C14orf39: variants seen among roughly 807,000 people sequenced by gnomAD.
C14orf39 encodes the protein protein SIX6OS1.
C14orf39 carries 66 observed loss-of-function variants against 85.6 expected under a neutral mutation model. The observed-to-expected ratio is 0.77, with a 90% CI of 0.63 to 0.95. C14orf39 has a LOEUF of 0.95. Among genes scored for constraint, C14orf39 ranks in the 40% least tolerant of loss-of-function variants. The pLI is 0.00. For synonymous variants in C14orf39, 242 were observed against 214.0 expected, an observed-to-expected ratio of 1.13 and a Z score of -1.14; for missense variants, 735 against 663.9, an observed-to-expected ratio of 1.11 and a Z score of -1.18.
intron 4 of C14orf39, among the ~76,000 whole-genome samples, chr14:60,482,698 G>C (rs372245921): frequency 3.3e-5 from 5 of 152,082 alleles, no homozygotes; most frequent in African/African-American, 1.2e-4. Flanking sequence ...ATTAATAGGG[G>C]AATGGCTAAA....
intron 13 of C14orf39, among the ~76,000 whole-genome samples, chr14:60,461,015 A>G (rs992718128): frequency 2.6e-5 from 4 of 151,980 alleles, no homozygotes; most frequent in South Asian, 2.1e-4. Context: ...CCTCAACAGT[A>G]TATCAAGTGG....
chr14:60,452,392 G>A (rs1388988579), intron 16 of C14orf39, among the ~76,000 whole-genome samples: 1 of 151,838 alleles, frequency 6.6e-6, no homozygotes, highest in Non-Finnish European at 1.5e-5. Context: ...AATAAGTCAG[G>A]CACAGAAAGA....
intron 17 of C14orf39, among the ~76,000 whole-genome samples, chr14:60,437,892 C>T (rs1890330072): frequency 6.6e-6 from 1 of 150,964 alleles, no homozygotes; most frequent in Admixed American, 6.6e-5. Context: ...TTGATGAAGC[C>T]CAGAATTGCC....
rs756979293 is a variant in C14orf39, at chr14:60,491,802, T to C, written c.-8-6716A>G. ...ACAGAGCAATTCTTAAATGTAAATA[T>C]TCTCTCTCTCTTTTTCTCTCTCTCT... On this transcript the variant is annotated intron_variant, in intron 2 of 5. Transcript: ENST00000556799. This position sits in a 1 kb window ranked among gnomAD's most constrained non-coding sequence, Gnocchi z 4.5. 6.6e-6 allele frequency among the ~76,000 whole-genome samples: 1 copy of C among 151,954 alleles called. No homozygotes were observed. The highest frequency in any genetic ancestry group is 1.5e-5 in the Non-Finnish European group (1 of 68,016).
intron 1 of C14orf39, among the ~76,000 whole-genome samples, chr14:60,510,224 A>T (rs541814369): frequency 1.3e-5 from 2 of 152,314 alleles, no homozygotes; most frequent in South Asian, 2.1e-4. Flanking sequence ...CCAAGGCTTC[A>T]CTGGGACGGA....
intron 17 of C14orf39, among the ~76,000 whole-genome samples, chr14:60,437,792 A>T (rs1223807649): frequency 1.3e-5 from 2 of 152,050 alleles, no homozygotes; most frequent in African/African-American, 2.4e-5. Context: ...ACTACAATAT[A>T]CTGCTCATGG....
chr14:60,502,640 T>C (rs1893162275), intron 1 of C14orf39, among the ~76,000 whole-genome samples: 1 of 152,170 alleles, frequency 6.6e-6, no homozygotes, highest in Non-Finnish European at 1.5e-5. Flanking sequence ...AACAAAAATC[T>C]GCTGTTAAAG....
At chr14:60,464,912 T>A (rs1265492044) in intron 11 of C14orf39, among the ~76,000 whole-genome samples, 1 of 152,122 alleles carries the variant, frequency 6.6e-6, no homozygotes, top group Non-Finnish European at 1.5e-5. Flanking sequence ...GTTTTATTTT[T>A]ACCCCCATTA....
Position 60,484,931 on chromosome 14 carries a change from T to C in C14orf39, c.56A>G (p.Gln19Arg), listed in dbSNP as rs757138893. Reference protein sequence around the residue: ...LDRLLLEFVFQYEQDISTKEE... With the variant: ...LDRLLLEFVFRYEQDISTKEE... ...TTTAGTACTTATGTCTTGCTCATAC[T>C]GGAAGACTAAAATAAATAATTATCT... is the stretch of plus-strand genomic sequence containing the variant. The change falls in exon 3 of 18, where the codon CAG (glutamine) becomes CGG (arginine). Residue 19 changes from glutamine to arginine, a missense_variant. Physicochemically the swap from Gln to Arg is conservative, Grantham distance 43. Coordinates refer to ENST00000321731, the MANE Select transcript of C14orf39 (RefSeq NM_174978.3). The surrounding 1 kb of genome is among the most constrained non-coding windows in gnomAD (Gnocchi z 4.2). 3 of 1,576,204 alleles carry C rather than the reference T, an allele frequency of 1.9e-6. No homozygotes were observed. The East Asian group carries it at 6.7e-5, about 35-fold the overall frequency.
intron 17 of C14orf39, among the ~76,000 whole-genome samples, chr14:60,438,048 G>A (rs1286255097): frequency 6.6e-6 from 1 of 151,544 alleles, no homozygotes; most frequent in East Asian, 1.9e-4. Context: ...ATATGTACTT[G>A]AAACAAGTCT....
intron 16 of C14orf39, among the ~76,000 whole-genome samples, chr14:60,444,185 G>A (rs1244508081): frequency 6.6e-6 from 1 of 152,156 alleles, no homozygotes; most frequent in Non-Finnish European, 1.5e-5. Context: ...AACAAAACTG[G>A]ACAGAAAATG....
Position 60,471,678 on chromosome 14 carries a change from ATTT to A in C14orf39, c.382_384del (p.Lys128del). 6.2e-7 allele frequency: 1 copy of A among 1,604,426 alleles called. No homozygotes were observed. Among genetic ancestry groups the A allele is most frequent in the East Asian group, 2.2e-5 (1 of 44,666 alleles). On this transcript the variant is annotated inframe_deletion, in exon 6 of 18. Coordinates refer to ENST00000321731, the MANE Select transcript of C14orf39 (RefSeq NM_174978.3). ...TCACGTGAAAAGGGTGTTTCTGAGT[ATTT>A]TAGTTGGTACTGCTTCAAAACTTCT...
In C14orf39 at chr14:60,461,361, C is replaced by T. The variant is rs753386453; in HGVS notation, c.1110G>A (p.Gly370=). 1.2e-6 allele frequency: 2 copies of T among 1,610,330 alleles called. No homozygotes were observed. The highest frequency in any genetic ancestry group is 1.7e-6 in the Non-Finnish European group (2 of 1,177,762). ...QSNSNQWSEK[G]DKDAEYGDKG... is the part of the protein sequence containing the mutation. ...AATATAAACGGCAAATACCTTTATC[C>T]CCTTTTTCCGACCACTGATTGGAAT... is the stretch of plus-strand genomic sequence containing the variant. Residue 370 remains glycine, a synonymous_variant, in exon 13 of 18, where the codon GGG becomes GGA. Transcript: ENST00000321731.
chr14:60,438,237 G>A (rs557439928), intron 17 of C14orf39, among the ~76,000 whole-genome samples: 23 of 152,052 alleles, frequency 1.5e-4, no homozygotes, highest in African/African-American at 4.8e-4. Flanking sequence ...CAGTAAGATG[G>A]GTGGATGGAT....
At chr14:60,467,145 T>C (rs1891835036) in intron 9 of C14orf39, 101 bp from the exon 10 acceptor site, 3 of 492,262 alleles carry the variant, frequency 6.1e-6, no homozygotes, top group Admixed American at 4.7e-5. Context: ...AAACCCCTCG[T>C]TTTGCAGATA....
rs143236377 is a variant in C14orf39, at chr14:60,466,304, A to T, written c.896-249T>A. Among the ~76,000 whole-genome samples, 297 of 152,172 alleles carry T rather than the reference A, an allele frequency of 2.0e-3. 2 individuals carry two copies. The highest frequency in any genetic ancestry group is 6.9e-3 in the African/African-American group (286 of 41,572). The stretch of plus-strand genomic sequence containing the variant: ...AACTGTACCTTTATAATGGGTTACC[A>T]AAGAAGACAGAGTGGTTGAGAAGAC... On this transcript the variant is annotated intron_variant, in intron 10 of 17. Transcript: ENST00000321731.
At chr14:60,465,787 A>G (rs1337728256) in intron 11 of C14orf39, among the ~76,000 whole-genome samples, 192 bp downstream of exon 11, 3 of 148,500 alleles carry the variant, frequency 2.0e-5, no homozygotes, top group African/African-American at 7.4e-5. Context: ...AGAATGCCAT[A>G]TTGAAACACC....
At chr14:60,437,095 A>G in intron 17 of C14orf39, 48 bp from the exon 18 acceptor site, 1 of 1,305,344 alleles carries the variant, frequency 7.7e-7, no homozygotes, top group South Asian at 1.4e-5. Context: ...ATTATATAAA[A>G]TTTTTATAAC....
At position 60,471,658 on chromosome 14, in the gene C14orf39, T is replaced by C; in HGVS notation, c.405A>G (p.Ser135=). 1.2e-6 allele frequency: 2 copies of C among 1,610,078 alleles called. No homozygotes were observed. Among genetic ancestry groups the C allele is most frequent in the South Asian group, 2.2e-5 (2 of 90,778 alleles). Reference sequence around the variant, plus strand: ...CTCTTTTCTTCTCATAATATTCACGTGAAAAGGGTGTTTCTGAGTATTTTA... The same window carrying C: ...CTCTTTTCTTCTCATAATATTCACGCGAAAAGGGTGTTTCTGAGTATTTTA... ...YQLKYSETPF[S]REYYEKKREH... is the part of the protein sequence containing the mutation. Residue 135 remains serine, a synonymous_variant, in exon 6 of 18, where the codon TCA becomes TCG. Coordinates refer to ENST00000321731, the MANE Select transcript of C14orf39 (RefSeq NM_174978.3).
Sources: allele counts gnomAD v4.1 joint callset (sites outside exome capture counted in the v4.1 genomes callset), GRCh38; gene constraint gnomAD v4.1.1; non-coding constraint Gnocchi (gnomAD v3.1); transcripts MANE v1.5; gene names NCBI Gene and HGNC (gene_info 2026-07-23, HGNC 2026-07-21).